The following SRBD1 variants were observed in gnomAD, a reference collection of about 807,000 sequenced individuals.
SRBD1 encodes the protein S1 RNA-binding domain-containing protein 1.
Under a neutral mutation model 115.3 loss-of-function variants are expected in SRBD1, and 88 were observed. That is an observed-to-expected ratio of 0.76 (90% CI 0.64 to 0.91). SRBD1 has a LOEUF of 0.91. SRBD1 is among the 40% of genes least tolerant of loss of function. SRBD1 has a pLI of 0.00. For missense variants in SRBD1, 1,385 were observed against 1,177.4 expected (o/e 1.18, Z -2.58); for synonymous variants, 509 against 407.7 (o/e 1.25, Z -2.99).
chr2:45,546,126 G>C, intron 14 of SRBD1: 1 of 977,078 alleles, frequency 1.0e-6, no homozygotes, highest in Non-Finnish European at 1.2e-6. Context: ...GAGATCCAAA[G>C]AGGAAGTAGG....
At chr2:45,480,798 T>A (rs994116999) in intron 15 of SRBD1, among the ~76,000 whole-genome samples, 7 of 152,182 alleles carry the variant, frequency 4.6e-5, no homozygotes, top group African/African-American at 1.7e-4. Flanking sequence ...CATCACATGC[T>A]ACAGAGAAAC....
chr2:45,581,850 T>C, intron 5 of SRBD1, 40 bp from the exon 6 acceptor site: 2 of 1,498,400 alleles, frequency 1.3e-6, no homozygotes. Flanking sequence ...AAACTGTATG[T>C]CAAAACTTTC....
chr2:45,606,719 T>G (rs1422030793), intron 1 of SRBD1, among the ~76,000 whole-genome samples: 1 of 152,132 alleles, frequency 6.6e-6, no homozygotes, highest in Non-Finnish European at 1.5e-5. Flanking sequence ...GGAAAGTAAA[T>G]AAAATTACTT....
chr2:45,594,969 T>A (rs1282830185), intron 4 of SRBD1, among the ~76,000 whole-genome samples: 1 of 152,222 alleles, frequency 6.6e-6, no homozygotes, highest in Non-Finnish European at 1.5e-5. Context: ...TCTCCCTCTC[T>A]CCACTTTACA....
chr2:45,564,737 A>G (rs1672773939), intron 9 of SRBD1, among the ~76,000 whole-genome samples: 1 of 152,242 alleles, frequency 6.6e-6, no homozygotes, highest in South Asian at 2.1e-4. Flanking sequence ...TTTAAACTGC[A>G]TGTGTTGACT....
intron 14 of SRBD1, among the ~76,000 whole-genome samples, chr2:45,501,164 T>G (rs1670619413): frequency 6.6e-6 from 1 of 152,232 alleles, no homozygotes; most frequent in Non-Finnish European, 1.5e-5. Context: ...CTTGATTCTG[T>G]TGATGTGATG....
intron 4 of SRBD1, among the ~76,000 whole-genome samples, chr2:45,598,888 GC>G: frequency 6.6e-6 from 1 of 152,118 alleles, no homozygotes; most frequent in Non-Finnish European, 1.5e-5. Flanking sequence ...AAGCTCACTA[GC>G]TACTCTTCGG....
At position 45,579,915 on chromosome 2, in the gene SRBD1, C is replaced by T. The variant is rs1431276181; in HGVS notation, c.1032G>A (p.Gly344=). The change falls in exon 7 of 21, where the codon GGG becomes GGA. Residue 344 remains glycine, a synonymous_variant. Transcript: ENST00000263736. Reference sequence around the variant, plus strand: ...TAATGTACGATAGCAGACTGAGCTCCCCTGGTTTCTCAAGCAGTGCCCTGG... The same window carrying T: ...TAATGTACGATAGCAGACTGAGCTCTCCTGGTTTCTCAAGCAGTGCCCTGG... ...GAARALLEKP[G]ELSLLSYIRP... 1.2e-6 allele frequency: 2 copies of T among 1,610,278 alleles called. No homozygotes were observed. The highest frequency in any genetic ancestry group is 1.7e-6 in the Non-Finnish European group (2 of 1,178,286).
chr2:45,592,124 C>G (rs1260303175), intron 4 of SRBD1, among the ~76,000 whole-genome samples: 1 of 152,156 alleles, frequency 6.6e-6, no homozygotes, highest in Non-Finnish European at 1.5e-5. Flanking sequence ...TTTTCTCTTG[C>G]TGCTGCCATG....
At chr2:45,598,513 C>T (rs1408220331) in intron 4 of SRBD1, among the ~76,000 whole-genome samples, 1 of 151,726 alleles carries the variant, frequency 6.6e-6, no homozygotes, top group Non-Finnish European at 1.5e-5. Context: ...ACTCGGGAGG[C>T]TGAGGCAGGA....
rs780535057 is a variant in SRBD1 at position 45,546,764 on chromosome 2, C to A, written c.1842G>T (p.Lys614Asn). 4 of 1,613,976 alleles carry A rather than the reference C, an allele frequency of 2.5e-6. No individual in the cohort carries two copies. Among genetic ancestry groups the A allele is most frequent in the Non-Finnish European group, 3.4e-6 (4 of 1,179,992 alleles). ...CAACATCCAGTGGTGCAAAATAATT[C>A]TTCATTATCAGGTCAGCAAAGTAAG... ...TEAYFADLIM[K>N]NYFAPLDVVY... Residue 614 changes from lysine (K) to asparagine (N), a missense_variant, in exon 14 of 21, where the codon AAG (lysine) becomes AAT (asparagine). Lys to Asn is a moderately conservative substitution (Grantham distance 94). Coordinates refer to ENST00000263736, the MANE Select transcript of SRBD1 (RefSeq NM_018079.5).
chr2:45,458,017 T>A (rs1053915383), intron 16 of SRBD1, among the ~76,000 whole-genome samples: 1 of 152,046 alleles, frequency 6.6e-6, no homozygotes. Context: ...TCACATATTC[T>A]CTTTTAAAAT....
At chr2:45,569,342 G>A (rs2217870) in intron 9 of SRBD1, 96,741 of 152,040 alleles carry the variant, frequency 0.64, 31,416 homozygotes, top group Non-Finnish European at 0.71. Flanking sequence ...CTGGTCTCCC[G>A]TTCCTGTGGG....
At chr2:45,554,106 G>A (rs150631155) in intron 10 of SRBD1, among the ~76,000 whole-genome samples, 35 of 152,256 alleles carry the variant, frequency 2.3e-4, no homozygotes, top group African/African-American at 8.2e-4. Flanking sequence ...TGAAGATGGG[G>A]CTTTTGGGGG....
chr2:45,434,303 GC>G (rs1163406264), intron 16 of SRBD1, among the ~76,000 whole-genome samples: 4 of 152,144 alleles, frequency 2.6e-5, no homozygotes, highest in African/African-American at 4.8e-5. Flanking sequence ...TCAAATGAGT[GC>G]CCATGTTGTT....
chr2:45,594,172 A>AGTG (rs1673817221), intron 4 of SRBD1, among the ~76,000 whole-genome samples: 1 of 152,204 alleles, frequency 6.6e-6, no homozygotes, highest in Non-Finnish European at 1.5e-5. Context: ...TGAGATACAC[A>AGTG]ACTCAGAAAT....
chr2:45,507,375 A>T (rs1437094272), intron 14 of SRBD1, among the ~76,000 whole-genome samples: 1 of 152,148 alleles, frequency 6.6e-6, no homozygotes, highest in Non-Finnish European at 1.5e-5. Context: ...GCCAAATCAC[A>T]AAAGACTATG....
chr2:45,477,521 T>C (rs1669839030), intron 15 of SRBD1, among the ~76,000 whole-genome samples: 1 of 152,188 alleles, frequency 6.6e-6, no homozygotes, highest in Admixed American at 6.5e-5. Context: ...CCCCAAATAA[T>C]GAACAAGTGA....
intron 14 of SRBD1, among the ~76,000 whole-genome samples, chr2:45,532,534 G>C (rs547096814): frequency 1.3e-4 from 19 of 151,860 alleles, no homozygotes; most frequent in African/African-American, 4.6e-4. Context: ...AGTTTTAAAA[G>C]TGCTTCTGAA....
Sources: allele counts gnomAD v4.1 joint callset (sites outside exome capture counted in the v4.1 genomes callset), GRCh38; gene constraint gnomAD v4.1.1; transcripts MANE v1.5; gene names NCBI Gene and HGNC (gene_info 2026-07-23, HGNC 2026-07-21).